The following SLC26A11 variants were observed in gnomAD, a reference collection of about 807,000 sequenced individuals.
SLC26A11 encodes the protein solute carrier family 26 member 11.
A neutral mutation model predicts 62.2 loss-of-function variants in SLC26A11; 58 were observed. The observed-to-expected ratio is 0.93, with a 90% confidence interval of 0.76 to 1.16. SLC26A11 has a LOEUF of 1.16. Among genes scored for constraint, SLC26A11 ranks in the 50% most tolerant of loss-of-function variants. The pLI is 0.00. For missense variants in SLC26A11, 790 were observed against 794.3 expected, an observed-to-expected ratio of 0.99 and a Z score of 0.06; for synonymous variants, 411 against 368.9, an observed-to-expected ratio of 1.11 and a Z score of -1.31.
In SLC26A11 at chr17:80,221,555, G is replaced by A. The variant is rs200345707; in HGVS notation, c.-6G>A. On this transcript the variant is annotated 5_prime_UTR_variant, in exon 3 of 18. Transcript: ENST00000361193. ...GTCACCTGCACCCCCCAGCCCCACC[G>A]TAGAGATGCCTTCTTCGGTGACGGC... The A allele has an allele frequency of 3.4e-5, 54 of 1,582,938 alleles. No individual in the cohort carries two copies. The highest frequency in any genetic ancestry group is 2.7e-5 in the African/African-American group (2 of 74,742).
chr17:80,246,424 G>A lies in SLC26A11; in HGVS notation c.1154-85G>A. The A allele has an allele frequency of 6.4e-7, 1 of 1,568,158 alleles. No individual in the cohort carries two copies. Among genetic ancestry groups the A allele is most frequent in the Non-Finnish European group, 8.6e-7 (1 of 1,158,602 alleles). ...CCCTACCCCCACCCCTGTCCCCAGTGGGCTCTGCTGAACAAGAGGCTGCTA... is the reference window on the plus strand; with the variant it reads ...CCCTACCCCCACCCCTGTCCCCAGTAGGCTCTGCTGAACAAGAGGCTGCTA... On this transcript the variant is annotated intron_variant, in intron 12 of 17. Transcript: ENST00000361193. The surrounding 1 kb of genome is among the most constrained non-coding windows in gnomAD (Gnocchi z 4.4).
At position 80,228,345 on chromosome 17, in the gene SLC26A11, C is replaced by T. The variant is rs951582185; in HGVS notation, c.736+385C>T. On this transcript the variant is annotated intron_variant, in intron 7 of 17. Coordinates refer to ENST00000361193, the MANE Select transcript of SLC26A11 (RefSeq NM_001166347.2). This position sits in a 1 kb window ranked among gnomAD's most constrained non-coding sequence, Gnocchi z 4.1. ...ACGGGGTTTCACCATGTTGACCATA[C>T]TGGTCTCAAACTCCTGACCTCGAGT... Among the ~76,000 whole-genome samples the T allele has an allele frequency of 1.3e-5, 2 of 152,170 alleles. No homozygotes were observed. The highest frequency in any genetic ancestry group is 2.4e-5 in the African/African-American group (1 of 41,458).
At chr17:80,225,112 G>C (rs1211066955) in intron 5 of SLC26A11, among the ~76,000 whole-genome samples, 2 of 151,960 alleles carry the variant, frequency 1.3e-5, no homozygotes, top group Non-Finnish European at 2.9e-5. Flanking sequence ...GAGGTGGGAG[G>C]ATCACTGGAG....
At chr17:80,239,198 G>A (rs557011090) in intron 9 of SLC26A11, among the ~76,000 whole-genome samples, 4 of 151,428 alleles carry the variant, frequency 2.6e-5, no homozygotes, top group South Asian at 2.1e-4. Context: ...TCCTGCCTCA[G>A]CCTCCCAAGT....
At chr17:80,227,021 C>G (rs557836005) in intron 6 of SLC26A11, among the ~76,000 whole-genome samples, 1 of 152,142 alleles carries the variant, frequency 6.6e-6, no homozygotes, top group Admixed American at 6.5e-5. Flanking sequence ...GCAGTGATTA[C>G]GGAGCCTGAC....
In SLC26A11 at chr17:80,220,491, G is replaced by A. The variant is rs1220151258; in HGVS notation, c.-219G>A. ...CCAGGAGACCCCAAGCTGCATCGCC[G>A]AGTGGGTGAGTCCGTGGCCCGCGAG... On this transcript the variant is annotated 5_prime_UTR_variant, in exon 1 of 18. Transcript: ENST00000361193. 9.5e-6 allele frequency: 5 copies of A among 528,156 alleles called. No homozygotes were observed. The highest frequency in any genetic ancestry group is 6.0e-5 in the African/African-American group (3 of 49,748). 32.7% of individuals were successfully genotyped at this position (528,156 alleles called of 1,614,324 possible).
chr17:80,246,890 G>A lies in SLC26A11; in HGVS notation c.1294+241G>A, dbSNP rs994177751. ...GGGGTCTTGAGGCGAGCACTGACCC[G>A]GGGGAGGGTCCCCTCCTGATCCCCC... On this transcript the variant is annotated intron_variant, in intron 13 of 17. Coordinates refer to ENST00000361193, the MANE Select transcript of SLC26A11 (RefSeq NM_001166347.2). This position sits in a 1 kb window ranked among gnomAD's most constrained non-coding sequence, Gnocchi z 4.4. Among the ~76,000 whole-genome samples, 41 of 151,892 alleles carry A rather than the reference G, an allele frequency of 2.7e-4. No individual in the cohort carries two copies. The highest frequency in any genetic ancestry group is 3.3e-4 in the Admixed American group (5 of 15,240).
intron 5 of SLC26A11, among the ~76,000 whole-genome samples, chr17:80,224,178 T>TGAGA (rs1555626017): frequency 1.4e-5 from 2 of 140,662 alleles, no homozygotes; most frequent in African/African-American, 5.1e-5. Context: ...AGAGTGTGTG[T>TGAGA]GAGAGTGTGT....
chr17:80,237,321 G>T lies in SLC26A11; in HGVS notation c.913-201G>T, dbSNP rs562042109. 38 of 751,302 alleles carry T rather than the reference G, an allele frequency of 5.1e-5. No homozygotes were observed. The East Asian group carries it at 6.0e-4, about 12-fold the overall frequency. 46.5% of individuals were successfully genotyped at this position (751,302 alleles called of 1,614,324 possible). Reference sequence around the variant, plus strand: ...GTTTGTGTTCAGGGGCGCTTCTCCTGTTTTGGACTCCAGCTGAGGATGAAT... The same window carrying T: ...GTTTGTGTTCAGGGGCGCTTCTCCTTTTTTGGACTCCAGCTGAGGATGAAT... On this transcript the variant is annotated intron_variant, in intron 8 of 17. Coordinates refer to ENST00000361193, the MANE Select transcript of SLC26A11 (RefSeq NM_001166347.2).
intron 6 of SLC26A11, 141 bp from the exon 7 acceptor site, chr17:80,227,676 TG>T: frequency 9.0e-7 from 1 of 1,116,822 alleles, no homozygotes; most frequent in Non-Finnish European, 1.3e-6. Flanking sequence ...TGATACTCAC[TG>T]TGGTCTGGGA....
rs145936364 is a variant in SLC26A11, at chr17:80,234,784, C to G, written c.737-2144C>G. Among the ~76,000 whole-genome samples the G allele has an allele frequency of 1.6e-3, 241 of 151,836 alleles. 2 individuals carry two copies. Among genetic ancestry groups the G allele is most frequent in the African/African-American group, 5.7e-3 (237 of 41,450 alleles). On this transcript the variant is annotated intron_variant, in intron 7 of 17. Transcript: ENST00000361193. ...AATGTCTCAGCTGTTGTAATTGCAC[C>G]AAGTGCTTGTTCCGTCTCAGACACT...
chr17:80,237,710 A>T, intron 9 of SLC26A11, 116 bp downstream of exon 9: 1 of 915,886 alleles, frequency 1.1e-6, no homozygotes, highest in East Asian at 2.7e-5. Flanking sequence ...ATTCATATCC[A>T]AGTAATACAT....
chr17:80,251,561 G>A (rs1056044984), intron 17 of SLC26A11, among the ~76,000 whole-genome samples, 160 bp downstream of exon 17: 2 of 152,118 alleles, frequency 1.3e-5, no homozygotes, highest in African/African-American at 2.4e-5. Flanking sequence ...TCAGGAGTTC[G>A]AGACCAGCCT....
chr17:80,248,098 C>T (rs369269698), intron 13 of SLC26A11, 32 bp from the exon 14 acceptor site: 135 of 1,578,010 alleles, frequency 8.6e-5, no homozygotes, highest in Admixed American at 1.7e-4. Flanking sequence ...CGGGCAGCTG[C>T]CGGGCATTCC....
In SLC26A11 at chr17:80,225,932, T is replaced by A. The variant is rs779005652; in HGVS notation, c.593+16T>A. 2 of 1,611,910 alleles carry A rather than the reference T, an allele frequency of 1.2e-6. No individual in the cohort carries two copies. Among genetic ancestry groups the A allele is most frequent in the South Asian group, 2.2e-5 (2 of 91,034 alleles). ...CAGAGACCAGGTACCCCGGGCTTTG[T>A]TCCTCCCTCCTATAAGGAAGCTCCT... is the stretch of plus-strand genomic sequence containing the variant. On this transcript the variant is annotated intron_variant, in intron 6 of 17. Coordinates refer to ENST00000361193, the MANE Select transcript of SLC26A11 (RefSeq NM_001166347.2).
At chr17:80,248,474 G>T in intron 14 of SLC26A11, 101 bp from the exon 15 acceptor site, 1 of 1,349,444 alleles carries the variant, frequency 7.4e-7, no homozygotes, top group South Asian at 1.4e-5. Context: ...CCGGTCCCCT[G>T]CAGCACACTA....
Position 80,221,733 on chromosome 17 carries a change from T to G in SLC26A11, c.173T>G (p.Val58Gly), listed in dbSNP as rs368234615. ...LKMDFVAGLS[V>G]GLTAIPQALA... The stretch of plus-strand genomic sequence containing the variant: ...ATGGATTTCGTCGCCGGCCTCTCAG[T>G]TGGCCTCACTGCCATTCCCCAGGCG... The change falls in exon 3 of 18, where the codon GTT becomes GGT. Residue 58 changes from valine to glycine, a missense_variant. By Grantham distance (109) the Val-to-Gly change is moderately radical. Coordinates refer to ENST00000361193, the MANE Select transcript of SLC26A11 (RefSeq NM_001166347.2). The G allele has an allele frequency of 9.9e-6, 16 of 1,613,568 alleles. No homozygotes were observed. The South Asian group carries it at 1.5e-4, about 15-fold the overall frequency.
chr17:80,251,354 C>T lies in SLC26A11; in HGVS notation c.1682C>T (p.Ser561Phe), dbSNP rs2043150701. Residue 561 changes from serine (S) to phenylalanine (F), a missense_variant, in exon 17 of 18, where the codon TCC (serine) becomes TTC (phenylalanine). By Grantham distance (155) the Ser-to-Phe change is radical (BLOSUM62 -2). Coordinates refer to ENST00000361193, the MANE Select transcript of SLC26A11 (RefSeq NM_001166347.2). ...LQVPVLRVLL[S>F]ADLKGFQYFS... The stretch of plus-strand genomic sequence containing the variant: ...GTCCCCGTTCTCCGTGTCCTGCTGT[C>T]CGCTGACCTGAAGGGGTTCCAGTAC... 6.2e-7 allele frequency: 1 copy of T among 1,614,098 alleles called. No homozygotes were observed. The highest frequency in any genetic ancestry group is 1.6e-4 in the Middle Eastern group (1 of 6,062).
At position 80,253,211 on chromosome 17, in the gene SLC26A11, T is replaced by C. The variant is rs73432177; in HGVS notation, c.*495T>C. The C allele has an allele frequency of 0.067, 10,294 of 152,578 alleles. 858 individuals carry two copies. Among genetic ancestry groups the C allele is most frequent in the African/African-American group, 0.2 (8,316 of 41,494 alleles). The allele number at this position is 152,578 out of a possible 1,614,324, so 9.5% of individuals were successfully genotyped here. ...ATGACGTCAAGTCTCTATTTAAAAA[T>C]AATTTTGTGTTTTCTAAATGGAAAA... On this transcript the variant is annotated 3_prime_UTR_variant, in exon 18 of 18. Transcript: ENST00000361193.
Sources: allele counts gnomAD v4.1 joint callset (sites outside exome capture counted in the v4.1 genomes callset), GRCh38; gene constraint gnomAD v4.1.1; non-coding constraint Gnocchi (gnomAD v3.1); transcripts MANE v1.5; gene names NCBI Gene and HGNC (gene_info 2026-07-23, HGNC 2026-07-21).